PSD3: variants seen among roughly 807,000 people sequenced by gnomAD.
The protein encoded by PSD3 is pleckstrin and Sec7 domain containing 3.
Under a neutral mutation model 105.5 loss-of-function variants are expected in PSD3, and 49 were observed. That is an observed-to-expected ratio of 0.46 (90% CI 0.37 to 0.59). PSD3 has a LOEUF of 0.59. PSD3 is among the 20% of genes least tolerant of loss of function. The pLI, the probability that PSD3 is intolerant of heterozygous loss-of-function variation, is 0.00. For missense variants in PSD3, 1,561 were observed against 1,263.8 expected, an observed-to-expected ratio of 1.24 and a Z score of -3.57; for synonymous variants, 557 against 457.8, an observed-to-expected ratio of 1.22 and a Z score of -2.77.
chr8:18,723,723 C>T (rs1333645304), intron 9 of PSD3, among the ~76,000 whole-genome samples: 6 of 152,140 alleles, frequency 3.9e-5, no homozygotes, highest in South Asian at 2.1e-4. Context: ...TAGCAAAGTA[C>T]GGTAGCCTTT....
intron 1 of PSD3, among the ~76,000 whole-genome samples, chr8:19,039,933 G>T (rs151158031): frequency 6.6e-6 from 1 of 152,168 alleles, no homozygotes; most frequent in Non-Finnish European, 1.5e-5. Context: ...AATAAGAACT[G>T]TGAAGAAAAA....
chr8:18,878,786 G>A (rs1817896387), intron 2 of PSD3, among the ~76,000 whole-genome samples: 3 of 152,174 alleles, frequency 2.0e-5, no homozygotes, highest in African/African-American at 4.8e-5. Flanking sequence ...TATATATAGT[G>A]TAAATATACA....
At chr8:18,957,147 G>A (rs114452985) in intron 1 of PSD3, among the ~76,000 whole-genome samples, 2,497 of 152,074 alleles carry the variant, frequency 0.016, 75 homozygotes, top group African/African-American at 0.057. Flanking sequence ...CAAGGTGGGC[G>A]GATCACAAGG....
At chr8:18,885,394 A>G (rs1818390386) in intron 2 of PSD3, among the ~76,000 whole-genome samples, 1 of 152,224 alleles carries the variant, frequency 6.6e-6, no homozygotes, top group East Asian at 1.9e-4. Flanking sequence ...ATATATGGTA[A>G]GATTAATATA....
chr8:18,731,994 T>A (rs186156823), intron 9 of PSD3, among the ~76,000 whole-genome samples: 4 of 152,162 alleles, frequency 2.6e-5, no homozygotes, highest in Non-Finnish European at 5.9e-5. Context: ...AAATAAGTCA[T>A]CTTTTTTCCA....
chr8:18,879,664 C>G (rs1331929431), intron 2 of PSD3, among the ~76,000 whole-genome samples: 1 of 152,190 alleles, frequency 6.6e-6, no homozygotes, highest in Non-Finnish European at 1.5e-5. Context: ...TCATAGCTCA[C>G]TGCAGCTCAG....
intron 4 of PSD3, among the ~76,000 whole-genome samples, chr8:18,845,691 C>G (rs965528921): frequency 6.6e-6 from 1 of 152,128 alleles, no homozygotes; most frequent in Non-Finnish European, 1.5e-5. Context: ...AATCCCAACA[C>G]TTTGAGAGGG....
At chr8:18,636,352 G>A (rs906867293) in intron 10 of PSD3, among the ~76,000 whole-genome samples, 7 of 152,164 alleles carry the variant, frequency 4.6e-5, no homozygotes, top group Non-Finnish European at 1.0e-4. Flanking sequence ...AGGATATAAT[G>A]TTTTTGTACA....
At chr8:19,074,584 GATATATACATAT>G (rs375480624) in intron 1 of PSD3, among the ~76,000 whole-genome samples, 3 of 99,534 alleles carry the variant, frequency 3.0e-5, no homozygotes, top group Non-Finnish European at 6.3e-5. Flanking sequence ...TTACAACTCA[GATATATACATAT>G]ATATATATAT....
At chr8:18,865,270 ATATATATATATATATATTTT>A (rs1816817589) in intron 4 of PSD3, 1 of 2,334 alleles carries the variant, frequency 4.3e-4, no homozygotes, top group African/African-American at 1.7e-3. Context: ...ATATATATAT[ATATATATATATATATATTTT>A]TTTTTTTTTT....
At chr8:18,544,677 T>C (rs1167561382) in intron 15 of PSD3, among the ~76,000 whole-genome samples, 1 of 152,190 alleles carries the variant, frequency 6.6e-6, no homozygotes, top group Non-Finnish European at 1.5e-5. Flanking sequence ...GCTTACTTTT[T>C]AATATAATGG....
rs142626471 is a variant in PSD3 at position 18,780,557 on chromosome 8, T to C, written c.2083-15019A>G. 3.0e-3 allele frequency among the ~76,000 whole-genome samples: 454 copies of C among 151,604 alleles called. 4 individuals carry two copies. The highest frequency in any genetic ancestry group is 0.027 in the Middle Eastern group (8 of 294). ...AACACTTGCCTCCTCTATTTATTTA[T>C]TTATTTTTTTGTGAGACCGACACTC... is the stretch of plus-strand genomic sequence containing the variant. On this transcript the variant is annotated intron_variant, in intron 8 of 15. Coordinates refer to ENST00000327040, the MANE Select transcript of PSD3 (RefSeq NM_015310.4).
At position 18,665,814 on chromosome 8, in the gene PSD3, G is replaced by A. The variant is rs571026369; in HGVS notation, c.2173-10129C>T. Reference sequence around the variant, plus strand: ...TGCAGTGAGCTGTGATCGTGCCACTGCACTTCAGCCTGGGTGAGACAGCGA... The same window carrying A: ...TGCAGTGAGCTGTGATCGTGCCACTACACTTCAGCCTGGGTGAGACAGCGA... On this transcript the variant is annotated intron_variant, in intron 9 of 15. Transcript: ENST00000327040. 1.6e-4 allele frequency among the ~76,000 whole-genome samples: 24 copies of A among 152,304 alleles called. 1 individual carries two copies. In the South Asian group the frequency reaches 4.8e-3, roughly 30 times the overall value.
In PSD3 at chr8:18,708,780, A is replaced by G. The variant is rs577164969; in HGVS notation, c.2173-53095T>C. Among the ~76,000 whole-genome samples the G allele has an allele frequency of 2.6e-5, 4 of 151,778 alleles. No homozygotes were observed. In the South Asian group the frequency reaches 8.4e-4, roughly 32 times the overall value. On this transcript the variant is annotated intron_variant, in intron 9 of 15. Transcript: ENST00000327040. ...TGAATCCTGCACCTTCAGCTGAGGG[A>G]TCCGGATTATCTCACTGGGACTAAT...
intron 1 of PSD3, among the ~76,000 whole-genome samples, chr8:18,958,612 T>C (rs1823723056): frequency 6.6e-6 from 1 of 152,196 alleles, no homozygotes; most frequent in African/African-American, 2.4e-5. Context: ...CATGACCAAC[T>C]TGGCTTTATC....
chr8:18,879,698 C>T (rs1817991577), intron 2 of PSD3, among the ~76,000 whole-genome samples: 1 of 152,160 alleles, frequency 6.6e-6, no homozygotes, highest in Non-Finnish European at 1.5e-5. Context: ...TTAAGTGATC[C>T]TCCAGCCTCA....
intron 11 of PSD3, among the ~76,000 whole-genome samples, chr8:18,627,665 T>C (rs1166124150): frequency 1.3e-5 from 2 of 152,004 alleles, no homozygotes; most frequent in African/African-American, 4.8e-5. Flanking sequence ...TCTAAAGAAT[T>C]CAGTTAATCT....
chr8:19,023,432 T>TTTAC (rs1827430167), intron 1 of PSD3, among the ~76,000 whole-genome samples: 1 of 143,984 alleles, frequency 6.9e-6, no homozygotes, highest in Non-Finnish European at 1.5e-5. Flanking sequence ...TATTTATTTA[T>TTTAC]TTATTATTTC....
intron 2 of PSD3, among the ~76,000 whole-genome samples, chr8:18,927,120 A>G (rs1821420699): frequency 6.6e-6 from 1 of 152,174 alleles, no homozygotes; most frequent in Admixed American, 6.6e-5. Context: ...GAAAAGGGGC[A>G]CGGAACTTCC....
Sources: gnomAD v4.1 joint callset for allele counts (sites outside exome capture counted in the v4.1 genomes callset) on GRCh38, gnomAD v4.1.1 for gene constraint, MANE v1.5 for transcripts, NCBI Gene and HGNC (gene_info 2026-07-23, HGNC 2026-07-21) for gene names.